The following RHOA variants were observed in gnomAD, a reference collection of about 807,000 sequenced individuals.
The protein encoded by RHOA is transforming protein RhoA.
A neutral mutation model predicts 17.5 loss-of-function variants in RHOA; 3 were observed. The observed-to-expected ratio is 0.17, with a 90% CI of 0.08 to 0.44. The LOEUF (loss-of-function observed/expected upper bound fraction) is 0.44, where lower values mean the gene tolerates loss of function less well. RHOA is among the 20% of genes least tolerant of loss of function. RHOA has a pLI of 0.99. For missense variants in RHOA, 56 were observed against 242.3 expected, an observed-to-expected ratio of 0.23 and a Z score of 5.10; for synonymous variants, 98 against 88.4, an observed-to-expected ratio of 1.11 and a Z score of -0.61.
chr3:49,360,181 G>A lies in RHOA; in HGVS notation c.*28C>T, dbSNP rs762202381. Reference sequence around the variant, plus strand: ...AATAAACAGCACTTCAAAATTAACCGCATAAGGGCTGTGCTTGCAGCAAGG... The same window carrying A: ...AATAAACAGCACTTCAAAATTAACCACATAAGGGCTGTGCTTGCAGCAAGG... On this transcript the variant is annotated 3_prime_UTR_variant, in exon 5 of 5. Coordinates refer to ENST00000418115, the MANE Select transcript of RHOA (RefSeq NM_001664.4). 1.6e-5 allele frequency: 25 copies of A among 1,596,864 alleles called. No individual in the cohort carries two copies. The highest frequency in any genetic ancestry group is 3.6e-5 in the Admixed American group (2 of 55,208).
intron 1 of RHOA, among the ~76,000 whole-genome samples, chr3:49,393,583 C>CCA (rs1470356079): frequency 6.9e-6 from 1 of 144,950 alleles, no homozygotes; most frequent in Non-Finnish European, 1.5e-5. Flanking sequence ...CAGGTGTAGG[C>CCA]CACTGCACTG....
chr3:49,375,637 T>A (rs770727932), intron 1 of RHOA, 46 bp from the exon 2 acceptor site: 1 of 1,588,090 alleles, frequency 6.3e-7, no homozygotes, highest in Non-Finnish European at 8.6e-7. Context: ...CAAGAAGTCA[T>A]AGGTAGCTTA....
At chr3:49,366,576 C>G (rs952766285) in intron 3 of RHOA, 3 of 152,248 alleles carry the variant, frequency 2.0e-5, no homozygotes, top group African/African-American at 7.2e-5. Context: ...CAACTCCAGC[C>G]TGGGCAACAG....
intron 3 of RHOA, among the ~76,000 whole-genome samples, chr3:49,363,175 T>G (rs1368728502): frequency 6.6e-6 from 1 of 151,634 alleles, no homozygotes; most frequent in African/African-American, 2.4e-5. Context: ...TCCCAGCACT[T>G]TGGGAGGCCA....
chr3:49,397,510 GTTT>G (rs986151523), intron 1 of RHOA, among the ~76,000 whole-genome samples: 2 of 151,930 alleles, frequency 1.3e-5, no homozygotes, highest in African/African-American at 4.8e-5. Flanking sequence ...GTTGGTTTTT[GTTT>G]TTTTAAAAAA....
At chr3:49,388,454 C>T (rs557621885) in intron 1 of RHOA, among the ~76,000 whole-genome samples, 20 of 152,292 alleles carry the variant, frequency 1.3e-4, no homozygotes, top group African/African-American at 4.6e-4. Flanking sequence ...AACTATAGCT[C>T]ATCTGCATTG....
chr3:49,384,754 C>T (rs1212921576), intron 1 of RHOA, among the ~76,000 whole-genome samples: 1 of 152,030 alleles, frequency 6.6e-6, no homozygotes, highest in Non-Finnish European at 1.5e-5. Context: ...GTGATGCCCC[C>T]ACTTTCTAAA....
chr3:49,389,546 T>C (rs1287388429), intron 1 of RHOA, among the ~76,000 whole-genome samples: 1 of 152,116 alleles, frequency 6.6e-6, no homozygotes, highest in Non-Finnish European at 1.5e-5. Context: ...CTAATTCCTC[T>C]GCTGAAAAAG....
chr3:49,403,328 C>T lies in RHOA; in HGVS notation c.-3+8492G>A, dbSNP rs114634390. Reference sequence around the variant, plus strand: ...ACTCCTAGATGACAGAATAAGACTCCGTCTCAAAAATAAAAATAAAAATTT... The same window carrying T: ...ACTCCTAGATGACAGAATAAGACTCTGTCTCAAAAATAAAAATAAAAATTT... On this transcript the variant is annotated intron_variant, in intron 1 of 4. Coordinates refer to ENST00000418115, the MANE Select transcript of RHOA (RefSeq NM_001664.4). Among the ~76,000 whole-genome samples, 846 of 152,116 alleles carry T rather than the reference C, an allele frequency of 5.6e-3. 8 individuals are homozygous for T. Among genetic ancestry groups the T allele is most frequent in the African/African-American group, 0.019 (780 of 41,510 alleles).
At chr3:49,408,254 ATATATACGTATACACG>A (rs61494528) in intron 1 of RHOA, among the ~76,000 whole-genome samples, 63,121 of 149,450 alleles carry the variant, frequency 0.42, 14,846 homozygotes, top group East Asian at 0.93. Context: ...ATGTACACAT[ATATATACGTATACACG>A]TATATACGTA....
At chr3:49,402,865 G>A (rs372558496) in intron 1 of RHOA, among the ~76,000 whole-genome samples, 51 of 151,912 alleles carry the variant, frequency 3.4e-4, no homozygotes, top group African/African-American at 1.1e-3. Context: ...GCGAAACCCC[G>A]TATCCACTAA....
intron 1 of RHOA, among the ~76,000 whole-genome samples, chr3:49,403,342 A>G (rs2048759308): frequency 1.3e-5 from 2 of 152,158 alleles, no homozygotes; most frequent in South Asian, 4.1e-4. Context: ...TCAAAAATAA[A>G]AATAAAAATT....
At chr3:49,376,401 T>C (rs2048227531) in intron 1 of RHOA, among the ~76,000 whole-genome samples, 1 of 151,110 alleles carries the variant, frequency 6.6e-6, no homozygotes, top group Admixed American at 6.6e-5. Context: ...CCCAGCACTT[T>C]GGGAGGCCGA....
intron 1 of RHOA, among the ~76,000 whole-genome samples, chr3:49,396,822 T>TA (rs1213040524): frequency 1.3e-5 from 2 of 151,594 alleles, no homozygotes; most frequent in Non-Finnish European, 1.5e-5. Context: ...ACATCTTTAC[T>TA]AAAAAAAATT....
chr3:49,397,637 G>A (rs2048639486), intron 1 of RHOA, among the ~76,000 whole-genome samples: 1 of 152,134 alleles, frequency 6.6e-6, no homozygotes, highest in South Asian at 2.1e-4. Context: ...ATTCACTGCA[G>A]CTAGGTGGGG....
At chr3:49,411,345 T>C (rs2048931481) in intron 1 of RHOA, among the ~76,000 whole-genome samples, 1 of 152,252 alleles carries the variant, frequency 6.6e-6, no homozygotes, top group Admixed American at 6.5e-5. Context: ...TGGACTTTAA[T>C]CAATATGAAA....
At chr3:49,383,406 CGA>C (rs1333111078) in intron 1 of RHOA, among the ~76,000 whole-genome samples, 1 of 136,550 alleles carries the variant, frequency 7.3e-6, no homozygotes, top group Non-Finnish European at 1.5e-5. Flanking sequence ...GTCTATAGAG[CGA>C]GAATCCATCT....
intron 1 of RHOA, among the ~76,000 whole-genome samples, chr3:49,407,472 G>A (rs1158632080): frequency 2.0e-5 from 3 of 151,996 alleles, no homozygotes; most frequent in African/African-American, 7.2e-5. Context: ...GACCTCAAGT[G>A]ATCCACCTGC....
chr3:49,379,180 G>T (rs2048278816), intron 1 of RHOA, among the ~76,000 whole-genome samples: 1 of 152,026 alleles, frequency 6.6e-6, no homozygotes, highest in Non-Finnish European at 1.5e-5. Flanking sequence ...TCCATACAAT[G>T]GAATGGAATA....
Sources: allele counts gnomAD v4.1 joint callset (sites outside exome capture counted in the v4.1 genomes callset), GRCh38; gene constraint gnomAD v4.1.1; transcripts MANE v1.5; gene names NCBI Gene and HGNC (gene_info 2026-07-23, HGNC 2026-07-21).